The following ERP44 variants were observed in gnomAD, a reference collection of about 807,000 sequenced individuals.
The protein encoded by ERP44 is endoplasmic reticulum resident protein 44.
A neutral mutation model predicts 53.4 loss-of-function variants in ERP44; 25 were observed. That is an observed-to-expected ratio of 0.47 (90% confidence interval 0.34 to 0.65). The LOEUF is 0.65. Ranked by LOEUF, ERP44 falls within the 30% of genes least tolerant of loss-of-function variation. The pLI is 0.01. For missense variants in ERP44, 338 were observed against 493.2 expected, an observed-to-expected ratio of 0.69 and a Z score of 2.98; for synonymous variants, 145 against 161.2, an observed-to-expected ratio of 0.90 and a Z score of 0.76.
chr9:100,095,093 T>C (rs1826610981), intron 1 of ERP44, among the ~76,000 whole-genome samples: 1 of 152,014 alleles, frequency 6.6e-6, no homozygotes. Flanking sequence ...GAAGAGATTT[T>C]ATATAATTAT....
intron 1 of ERP44, among the ~76,000 whole-genome samples, chr9:100,065,879 T>C (rs1161800512): frequency 2.0e-5 from 3 of 152,378 alleles, no homozygotes; most frequent in East Asian, 1.9e-4. Flanking sequence ...TGTCAAGTGT[T>C]TTCTTAGAAT....
chr9:100,021,937 C>A, intron 5 of ERP44, 105 bp downstream of exon 5: 1 of 977,232 alleles, frequency 1.0e-6, no homozygotes. Context: ...ATGTCAAATC[C>A]ACTGCAATAG....
intron 1 of ERP44, among the ~76,000 whole-genome samples, chr9:100,077,976 G>GA (rs994107119): frequency 1.6e-4 from 24 of 151,878 alleles, no homozygotes; most frequent in Non-Finnish European, 2.9e-4. Flanking sequence ...CAACCACCAG[G>GA]AAAAAAAACC....
chr9:100,048,706 C>T (rs948876141), intron 4 of ERP44, among the ~76,000 whole-genome samples: 2 of 152,126 alleles, frequency 1.3e-5, no homozygotes, highest in Non-Finnish European at 2.9e-5. Flanking sequence ...GAAATTCTGA[C>T]GCATGCTACA....
chr9:100,013,689 A>T (rs1489764065), intron 8 of ERP44, among the ~76,000 whole-genome samples: 1 of 152,226 alleles, frequency 6.6e-6, no homozygotes, highest in Non-Finnish European at 1.5e-5. Context: ...ACTTTGATAT[A>T]CTACTGGTAG....
intron 10 of ERP44, among the ~76,000 whole-genome samples, chr9:99,997,462 T>C (rs1381047007): frequency 6.6e-6 from 1 of 152,168 alleles, no homozygotes; most frequent in East Asian, 1.9e-4. Flanking sequence ...CAAAAATACA[T>C]TAACATTTAA....
At chr9:99,983,752 T>A (rs1830172192) in intron 11 of ERP44, among the ~76,000 whole-genome samples, 1 of 152,220 alleles carries the variant, frequency 6.6e-6, no homozygotes, top group Non-Finnish European at 1.5e-5. Context: ...AAACTTATCA[T>A]TTGACTTTAT....
At chr9:100,034,270 T>A (rs1423250762) in intron 4 of ERP44, among the ~76,000 whole-genome samples, 3 of 152,158 alleles carry the variant, frequency 2.0e-5, no homozygotes, top group Admixed American at 2.0e-4. Context: ...TTATGATAAT[T>A]ATTAATATAA....
chr9:99,992,531 C>T (rs1564084726), intron 10 of ERP44, among the ~76,000 whole-genome samples: 1 of 152,144 alleles, frequency 6.6e-6, no homozygotes, highest in East Asian at 1.9e-4. Context: ...ATAATAAGAG[C>T]TATTTATGAC....
chr9:100,092,705 C>A (rs1238262982), intron 1 of ERP44, among the ~76,000 whole-genome samples: 1 of 152,106 alleles, frequency 6.6e-6, no homozygotes, highest in East Asian at 1.9e-4. Context: ...AACAAGAACC[C>A]ATAATACAAA....
At chr9:100,042,858 AAAC>A (rs1333121689) in intron 4 of ERP44, among the ~76,000 whole-genome samples, 2 of 152,178 alleles carry the variant, frequency 1.3e-5, no homozygotes, top group African/African-American at 4.8e-5. Flanking sequence ...CTAAAACTTA[AAAC>A]AACTGAACTC....
chr9:99,981,180 GATACA>G lies in ERP44; in HGVS notation c.*1427_*1431del, dbSNP rs559515709. On this transcript the variant is annotated 3_prime_UTR_variant, in exon 12 of 12. Transcript: ENST00000262455. ...CATCCTACTTTCTTATTCACAATTT[GATACA>G]ATACATTAAATATACCCCTTATCAC... The G allele has an allele frequency of 1.2e-4, 18 of 152,072 alleles. No homozygotes were observed. Among genetic ancestry groups the G allele is most frequent in the Non-Finnish European group, 1.5e-4 (10 of 68,026 alleles). The allele number at this position is 152,072 out of a possible 1,614,324, so 9.4% of individuals were successfully genotyped here.
At position 100,097,023 on chromosome 9, in the gene ERP44, G is replaced by A. The variant is rs578129264; in HGVS notation, c.57+1761C>T. On this transcript the variant is annotated intron_variant, in intron 1 of 11. Transcript: ENST00000262455. ...AAATCTAGTTTGACTTGTAATTCTAGTTTAAACCTTTTCTGGGGCTTTTTC... is the reference window on the plus strand; with the variant it reads ...AAATCTAGTTTGACTTGTAATTCTAATTTAAACCTTTTCTGGGGCTTTTTC... Among the ~76,000 whole-genome samples the A allele has an allele frequency of 4.6e-5, 7 of 152,126 alleles. No individual in the cohort carries two copies. The East Asian group carries it at 7.7e-4, about 17-fold the overall frequency.
chr9:99,979,751 C>G lies in ERP44; in HGVS notation c.*2861G>C, dbSNP rs1830127756. On this transcript the variant is annotated 3_prime_UTR_variant, in exon 12 of 12. Coordinates refer to ENST00000262455, the MANE Select transcript of ERP44 (RefSeq NM_015051.3). Reference sequence around the variant, plus strand: ...GAGAAGCCTGAGGCCCCGAGTAGATCAGATAAACCGGGGAAGACTTCTACC... The same window carrying G: ...GAGAAGCCTGAGGCCCCGAGTAGATGAGATAAACCGGGGAAGACTTCTACC... The G allele has an allele frequency of 2.6e-6, 1 of 387,896 alleles. No individual in the cohort carries two copies. The highest frequency in any genetic ancestry group is 1.4e-4 in the South Asian group (1 of 6,914). 24.0% of individuals were successfully genotyped at this position (387,896 alleles called of 1,614,324 possible).
At chr9:100,061,897 C>A (rs1826154500) in intron 1 of ERP44, among the ~76,000 whole-genome samples, 1 of 152,146 alleles carries the variant, frequency 6.6e-6, no homozygotes, top group Non-Finnish European at 1.5e-5. Context: ...ACACATTACT[C>A]CAAAATATGG....
intron 8 of ERP44, among the ~76,000 whole-genome samples, chr9:100,012,907 G>A (rs1830489664): frequency 6.6e-6 from 1 of 152,136 alleles, no homozygotes; most frequent in Admixed American, 6.5e-5. Flanking sequence ...CCAAGAAATA[G>A]TACTCAGTTC....
chr9:100,074,232 C>T (rs980018085), intron 1 of ERP44, among the ~76,000 whole-genome samples: 4 of 152,150 alleles, frequency 2.6e-5, no homozygotes, highest in African/African-American at 9.7e-5. Flanking sequence ...GGCTACAGAC[C>T]AGTACTAGTC....
rs1023328379 is a variant in ERP44 at position 99,995,932 on chromosome 9, T to A, written c.1016+10574A>T. On this transcript the variant is annotated intron_variant, in intron 10 of 11. Transcript: ENST00000262455. Reference sequence around the variant, plus strand: ...TCATAGGGTAGTTCTTTTTTTTTTTTTTTTTTTTTATTTTGAGTAAACTCC... The same window carrying A: ...TCATAGGGTAGTTCTTTTTTTTTTTATTTTTTTTTATTTTGAGTAAACTCC... 4.6e-5 allele frequency among the ~76,000 whole-genome samples: 7 copies of A among 151,088 alleles called. No individual in the cohort carries two copies. In the East Asian group the frequency reaches 7.7e-4, roughly 17 times the overall value.
At chr9:100,013,342 A>G (rs138294401) in intron 8 of ERP44, among the ~76,000 whole-genome samples, 9 of 152,220 alleles carry the variant, frequency 5.9e-5, no homozygotes, top group African/African-American at 1.7e-4. Flanking sequence ...AATCTGGACT[A>G]ATCTTACTAC....
Sources: gnomAD v4.1 joint callset for allele counts (sites outside exome capture counted in the v4.1 genomes callset) on GRCh38, gnomAD v4.1.1 for gene constraint, MANE v1.5 for transcripts, NCBI Gene and HGNC (gene_info 2026-07-23, HGNC 2026-07-21) for gene names.